Variants in ELP4 observed in about 807,000 individuals in gnomAD.
ELP4 encodes the protein elongator acetyltransferase complex subunit 4, also known as elongator complex protein 4.
A neutral mutation model predicts 48.9 loss-of-function variants in ELP4; 51 were observed. The ratio of observed to expected loss-of-function variants is 1.04; its 90% CI spans 0.83 to 1.32. ELP4 has a LOEUF of 1.32. Among genes scored for constraint, ELP4 ranks in the 40% most tolerant of loss-of-function variants. The probability of loss-of-function intolerance (pLI) is 0.00; values close to 1 mark genes in which losing one functional copy is unlikely to be tolerated. For synonymous variants in ELP4, 210 were observed against 189.2 expected (o/e 1.11, Z -0.90); for missense variants, 519 against 514.6 (o/e 1.01, Z -0.08).
chr11:31,645,010 T>G (rs997614443), intron 7 of ELP4, among the ~76,000 whole-genome samples: 13 of 151,894 alleles, frequency 8.6e-5, no homozygotes, highest in African/African-American at 2.6e-4. Context: ...TCTGCCACAT[T>G]ATACAAATAA....
At chr11:31,740,953 C>T (rs905313834) in intron 9 of ELP4, among the ~76,000 whole-genome samples, 2 of 151,604 alleles carry the variant, frequency 1.3e-5, no homozygotes, top group Non-Finnish European at 2.9e-5. Context: ...TCGCCTCACC[C>T]GGGAAGTGCA....
intron 6 of ELP4, chr11:31,628,337 A>G (rs1944790228): frequency 1.3e-5 from 2 of 151,924 alleles, no homozygotes; most frequent in Admixed American, 6.6e-5. Flanking sequence ...CCAATGGTAC[A>G]GTGTGCAGAG....
At chr11:31,783,260 A>G in intron 9 of ELP4, 133 bp from the exon 10 acceptor site, 1 of 733,800 alleles carries the variant, frequency 1.4e-6, no homozygotes, top group Non-Finnish European at 2.2e-6. Flanking sequence ...TTGTTTTAGC[A>G]GGAATTTTAT....
intron 1 of ELP4, among the ~76,000 whole-genome samples, chr11:31,517,821 T>C (rs1956144521): frequency 6.6e-6 from 1 of 152,070 alleles, no homozygotes; most frequent in South Asian, 2.1e-4. Flanking sequence ...GATTTCACTA[T>C]GTTGGCCAGG....
intron 7 of ELP4, among the ~76,000 whole-genome samples, chr11:31,635,691 G>A (rs965304917): frequency 9.2e-5 from 14 of 152,084 alleles, no homozygotes; most frequent in Admixed American, 2.6e-4. Context: ...GTAATAACAT[G>A]TACTTAAACA....
intron 9 of ELP4, among the ~76,000 whole-genome samples, chr11:31,696,290 C>G (rs938969851): frequency 2.6e-5 from 4 of 152,246 alleles, no homozygotes; most frequent in African/African-American, 9.6e-5. Context: ...TTCCTGCTTT[C>G]TCTTGTGGGC....
intron 3 of ELP4, among the ~76,000 whole-genome samples, chr11:31,558,925 T>C (rs1192983530): frequency 1.3e-5 from 2 of 152,174 alleles, no homozygotes; most frequent in East Asian, 1.9e-4. Flanking sequence ...TTCATTTTTC[T>C]TCTGAATACT....
At chr11:31,596,528 C>T (rs1180795991) in intron 4 of ELP4, among the ~76,000 whole-genome samples, 1 of 152,154 alleles carries the variant, frequency 6.6e-6, no homozygotes, top group Non-Finnish European at 1.5e-5. Context: ...CTTGTACCTC[C>T]AGCACTTATG....
chr11:31,774,029 A>G (rs1948198609), intron 9 of ELP4, among the ~76,000 whole-genome samples: 1 of 152,056 alleles, frequency 6.6e-6, no homozygotes, highest in Admixed American at 6.5e-5. Flanking sequence ...AAATACAAAA[A>G]TGAGCCAGAC....
At chr11:31,635,009 T>C (rs1468072356) in intron 7 of ELP4, among the ~76,000 whole-genome samples, 3 of 151,942 alleles carry the variant, frequency 2.0e-5, no homozygotes, top group Non-Finnish European at 4.4e-5. Context: ...AATTGAGTTA[T>C]AAAAAACAAG....
chr11:31,510,364 C>G, intron 1 of ELP4: 1 of 460,020 alleles, frequency 2.2e-6, no homozygotes, highest in Non-Finnish European at 3.9e-6. Context: ...CTTCTGCTTT[C>G]TCCAGGCAGC....
chr11:31,760,213 A>G (rs753122409), intron 9 of ELP4, among the ~76,000 whole-genome samples: 1 of 152,208 alleles, frequency 6.6e-6, no homozygotes, highest in Non-Finnish European at 1.5e-5. Context: ...CCTTAGCTAC[A>G]TGGACACTAG....
At chr11:31,695,805 T>G (rs1946391650) in intron 9 of ELP4, among the ~76,000 whole-genome samples, 1 of 114,258 alleles carries the variant, frequency 8.8e-6, no homozygotes, top group Non-Finnish European at 1.9e-5. Context: ...CCTGAGCTTT[T>G]TTTGGTTGGT....
intron 7 of ELP4, among the ~76,000 whole-genome samples, chr11:31,644,103 C>G (rs370767602): frequency 2.0e-5 from 3 of 151,634 alleles, no homozygotes; most frequent in East Asian, 3.9e-4. Flanking sequence ...CAACTCTCAC[C>G]CAGGAGCGCA....
chr11:31,564,990 C>A (rs1318696535), intron 3 of ELP4, among the ~76,000 whole-genome samples: 1 of 152,194 alleles, frequency 6.6e-6, no homozygotes, highest in African/African-American at 2.4e-5. Context: ...TACAGTCCCA[C>A]CAACAGTATA....
intron 3 of ELP4, among the ~76,000 whole-genome samples, chr11:31,589,315 G>A (rs569381492): frequency 9.9e-5 from 15 of 152,166 alleles, no homozygotes; most frequent in African/African-American, 2.6e-4. Flanking sequence ...AGCCTTTATT[G>A]GAAAATGAGA....
chr11:31,537,715 C>T (rs1956524105), intron 2 of ELP4, among the ~76,000 whole-genome samples: 1 of 152,070 alleles, frequency 6.6e-6, no homozygotes, highest in South Asian at 2.1e-4. Context: ...CATGATAACT[C>T]ACTATCATGA....
intron 9 of ELP4, among the ~76,000 whole-genome samples, chr11:31,735,453 T>C (rs1360939883): frequency 6.6e-6 from 1 of 152,148 alleles, no homozygotes; most frequent in Non-Finnish European, 1.5e-5. Context: ...CTATTCAACA[T>C]AATGTTGGAA....
At chr11:31,527,065 G>A (rs1415158825) in intron 2 of ELP4, among the ~76,000 whole-genome samples, 1 of 151,944 alleles carries the variant, frequency 6.6e-6, no homozygotes, top group Non-Finnish European at 1.5e-5. Flanking sequence ...GCTAAACCTA[G>A]AGGATACTTG....
Sources: allele counts gnomAD v4.1 joint callset (sites outside exome capture counted in the v4.1 genomes callset), GRCh38; gene constraint gnomAD v4.1.1; transcripts MANE v1.5; gene names NCBI Gene and HGNC (gene_info 2026-07-23, HGNC 2026-07-21).